ALG13: variants seen among roughly 807,000 people sequenced by gnomAD.
ALG13 encodes UDP-N-acetylglucosamine transferase subunit ALG13.
In ALG13, 11 loss-of-function variants were observed where a neutral mutation model predicts 87.8. That is an observed-to-expected ratio of 0.13 (90% confidence interval 0.08 to 0.21). The LOEUF (loss-of-function observed/expected upper bound fraction) is 0.21. Among genes scored for constraint, ALG13 ranks in the 10% least tolerant of loss-of-function variants. The pLI is 1.00. For missense variants in ALG13, 756 were observed against 866.1 expected, an observed-to-expected ratio of 0.87 and a Z score of 1.60; for synonymous variants, 320 against 306.3, an observed-to-expected ratio of 1.04 and a Z score of -0.47.
intron 3 of ALG13, among the ~76,000 whole-genome samples, chrX:111,698,562 T>A (rs1320315156): frequency 5.4e-5 from 6 of 111,650 alleles, no homozygotes; most frequent in Non-Finnish European, 1.1e-4. Context: ...TCTAACTCTC[T>A]ACTTCTATGA....
rs1452416283 is a variant in ALG13, at chrX:111,681,306, G to T, written c.81+7G>T. On this transcript the variant is annotated splice_region_variant and intron_variant, in intron 1 of 26. Transcript: ENST00000394780. ...GGCGCCCGACAGTCTGCAAGTGAGT[G>T]AGGGAGGCGAGCAGGCGGCGGCTTG... 1 of 1,211,125 alleles carries T rather than the reference G, an allele frequency of 8.3e-7. No individual in the cohort carries two copies. The highest frequency in any genetic ancestry group is 1.1e-6 in the Non-Finnish European group (1 of 895,030).
At chrX:111,754,824 T>C (rs188868235) in intron 25 of ALG13, among the ~76,000 whole-genome samples, 1 of 111,954 alleles carries the variant, frequency 8.9e-6, no homozygotes, top group Non-Finnish European at 1.9e-5. Context: ...AAAATCAATA[T>C]CATGAAAATG....
chrX:111,725,558 T>C (rs781277316), intron 15 of ALG13, among the ~76,000 whole-genome samples: 6 of 110,745 alleles, frequency 5.4e-5, no homozygotes, highest in Non-Finnish European at 1.1e-4. Flanking sequence ...CATAATAGGG[T>C]GACTGTAGTT....
At chrX:111,758,954 A>G (rs1358513398) in intron 26 of ALG13, among the ~76,000 whole-genome samples, 1 of 110,908 alleles carries the variant, frequency 9.0e-6, no homozygotes, top group Non-Finnish European at 1.9e-5. Flanking sequence ...GTATAAGTAT[A>G]CTATTACCTG....
chrX:111,711,894 T>C (rs922776727), intron 6 of ALG13, among the ~76,000 whole-genome samples, 169 bp downstream of exon 6: 34 of 112,159 alleles, frequency 3.0e-4, no homozygotes, highest in African/African-American at 1.1e-3. Flanking sequence ...AATTGACCAA[T>C]TGTTTTGTGT....
At chrX:111,714,704 G>C in intron 8 of ALG13, among the ~76,000 whole-genome samples, 1 of 111,642 alleles carries the variant, frequency 9.0e-6, no homozygotes, top group Non-Finnish European at 1.9e-5. Context: ...CCACCACCTA[G>C]AGTCTGCTGT....
intron 3 of ALG13, chrX:111,689,860 TTTTG>T: frequency 2.7e-6 from 2 of 753,334 alleles, no homozygotes; most frequent in Non-Finnish European, 1.6e-6. Flanking sequence ...GCAAGGTAGG[TTTTG>T]TTTGTTTATT....
chrX:111,730,669 G>T (rs1942586247), intron 21 of ALG13, 89 bp downstream of exon 21: 1 of 688,629 alleles, frequency 1.5e-6, no homozygotes, highest in African/African-American at 2.2e-5. Flanking sequence ...ATTTAAATCA[G>T]AACAACCCTG....
intron 14 of ALG13, among the ~76,000 whole-genome samples, 200 bp from the exon 15 acceptor site, chrX:111,724,734 T>A (rs1941782214): frequency 8.9e-6 from 1 of 112,340 alleles, no homozygotes; most frequent in Admixed American, 9.4e-5. Context: ...TCTTCTGAAA[T>A]GTCATCGGTA....
At chrX:111,720,249 T>C (rs1348655474) in intron 11 of ALG13, 79 bp downstream of exon 11, 6 of 674,051 alleles carry the variant, frequency 8.9e-6, no homozygotes, top group South Asian at 4.2e-5. Context: ...AAGTCAGATA[T>C]TATATTCTAG....
chrX:111,725,145 A>G (rs1941836972), intron 15 of ALG13, 84 bp downstream of exon 15: 1 of 1,049,851 alleles, frequency 9.5e-7, no homozygotes, highest in Admixed American at 2.6e-5. Flanking sequence ...TTTTAAATGT[A>G]TGTCATATGT....
chrX:111,712,637 T>C (rs1939969430), intron 7 of ALG13, 107 bp downstream of exon 7: 1 of 395,424 alleles, frequency 2.5e-6, no homozygotes, highest in South Asian at 8.8e-5. Flanking sequence ...GATGTATTGA[T>C]ACCTAGAATG....
intron 22 of ALG13, among the ~76,000 whole-genome samples, chrX:111,735,993 C>T (rs1489439764): frequency 5.4e-5 from 6 of 111,296 alleles, no homozygotes; most frequent in Non-Finnish European, 1.1e-4. Context: ...TGCAAGGCAC[C>T]TTTTCTCTTT....
Position 111,723,875 on chromosome X carries a change from C to T in ALG13, c.1578C>T (p.Val526=), listed in dbSNP as rs1240283095. 8.6e-7 allele frequency: 1 copy of T among 1,161,397 alleles called. No individual in the cohort carries two copies. Among genetic ancestry groups the T allele is most frequent in the African/African-American group, 1.8e-5 (1 of 55,775 alleles). ...GAAATGAGAACAATTCAGTAACAGT[C>T]TTCATTGAAGAATTGGCGGAAAAGT... The part of the protein sequence containing the change: ...EVGNENNSVT[V]FIEELAEKHV... The change falls in exon 14 of 27, where the codon GTC becomes GTT. Residue 526 remains valine (V), a synonymous_variant. Coordinates refer to ENST00000394780, the MANE Select transcript of ALG13 (RefSeq NM_001099922.3).
rs1939941309 is a variant in ALG13 at position 111,712,513 on chromosome X, T to C, written c.915T>C (p.Ala305=). The C allele has an allele frequency of 3.4e-6, 4 of 1,175,989 alleles. No individual in the cohort carries two copies. The highest frequency in any genetic ancestry group is 4.6e-6 in the Non-Finnish European group (4 of 871,234). Residue 305 remains alanine, a synonymous_variant, in exon 7 of 27, where the codon GCT becomes GCC. Transcript: ENST00000394780. ...GTGCTGGCCAGCTGGAAATAAGAGCTCTTTCTCTAATTTATAAGTAAGTTA... is the reference window on the plus strand; with the variant it reads ...GTGCTGGCCAGCTGGAAATAAGAGCCCTTTCTCTAATTTATAAGTAAGTTA... ...KESAGQLEIR[A]LSLIYNRDFI...
chrX:111,690,466 GGAAA>G, intron 3 of ALG13: 1 of 634,476 alleles, frequency 1.6e-6, no homozygotes, highest in Non-Finnish European at 1.9e-6. Flanking sequence ...TAATTTGGGA[GGAAA>G]GAAAGCTCAA....
chrX:111,709,684 T>C (rs1939390990), intron 5 of ALG13, among the ~76,000 whole-genome samples: 1 of 106,305 alleles, frequency 9.4e-6, no homozygotes, highest in South Asian at 3.8e-4. Context: ...GGCTTCCTTT[T>C]CTTTTTTTTT....
At chrX:111,686,318 C>A in intron 3 of ALG13, 1 of 323,625 alleles carries the variant, frequency 3.1e-6, no homozygotes, top group Non-Finnish European at 4.8e-6. Flanking sequence ...AAATAAAAAA[C>A]CTGAGAAGAA....
At chrX:111,691,979 A>G (rs1936234803) in intron 3 of ALG13, among the ~76,000 whole-genome samples, 1 of 111,563 alleles carries the variant, frequency 9.0e-6, no homozygotes, top group Admixed American at 9.5e-5. Flanking sequence ...CACAGCTTCT[A>G]CTGTTGACTC....
Sources: gnomAD v4.1 joint callset for allele counts (sites outside exome capture counted in the v4.1 genomes callset) on GRCh38, gnomAD v4.1.1 for gene constraint, MANE v1.5 for transcripts, NCBI Gene and HGNC (gene_info 2026-07-23, HGNC 2026-07-21) for gene names.